PARD3B: variants seen among roughly 807,000 people sequenced by gnomAD.
The protein encoded by PARD3B is par-3 family cell polarity regulator beta.
Under a neutral mutation model 130.2 loss-of-function variants are expected in PARD3B, and 103 were observed. The observed-to-expected ratio is 0.79, with a 90% CI of 0.67 to 0.93. The LOEUF (loss-of-function observed/expected upper bound fraction) is 0.93. Among genes scored for constraint, PARD3B ranks in the 40% least tolerant of loss-of-function variants. The pLI is 0.00. For missense variants in PARD3B, 1,609 were observed against 1,499.2 expected (o/e 1.07, Z -1.21); for synonymous variants, 583 against 553.2 (o/e 1.05, Z -0.76).
intron 21 of PARD3B, among the ~76,000 whole-genome samples, chr2:205,551,742 G>C (rs2052655176): frequency 6.6e-6 from 1 of 152,168 alleles, no homozygotes; most frequent in Non-Finnish European, 1.5e-5. Flanking sequence ...TGGAATGGTA[G>C]TTTTATGGAG....
intron 19 of PARD3B, among the ~76,000 whole-genome samples, chr2:205,425,216 A>G (rs1031521173): frequency 6.6e-6 from 1 of 152,168 alleles, no homozygotes; most frequent in African/African-American, 2.4e-5. Flanking sequence ...TCCCCGTCAC[A>G]TCCCCACCTC....
intron 21 of PARD3B, among the ~76,000 whole-genome samples, chr2:205,505,279 T>C (rs200604673): frequency 2.3e-4 from 35 of 151,436 alleles, no homozygotes; most frequent in African/African-American, 5.1e-4. Context: ...TTAGGAGATA[T>C]ACCTAATGTT....
intron 20 of PARD3B, among the ~76,000 whole-genome samples, chr2:205,466,488 G>A (rs149821816): frequency 2.2e-3 from 333 of 152,268 alleles, no homozygotes; most frequent in African/African-American, 7.6e-3. Context: ...GTAATATGCT[G>A]TGTCTCCACA....
chr2:205,028,685 T>G (rs545880713), intron 3 of PARD3B, among the ~76,000 whole-genome samples: 150 of 152,226 alleles, frequency 9.9e-4, no homozygotes, highest in Non-Finnish European at 1.2e-3. Flanking sequence ...GCCAGAGCAA[T>G]TAGGCAAGAA....
chr2:205,422,584 T>C (rs2047007388), intron 19 of PARD3B, among the ~76,000 whole-genome samples: 2 of 152,136 alleles, frequency 1.3e-5, no homozygotes, highest in South Asian at 4.1e-4. Context: ...TCCCCACATC[T>C]AAAACTTAGA....
rs114801020 is a variant in PARD3B at position 205,113,496 on chromosome 2, T to C, written c.599T>C (p.Met200Thr). Residue 200 changes from methionine (M) to threonine (T), a missense_variant, in exon 6 of 23, where the codon ATG becomes ACG. By Grantham distance (81) the Met-to-Thr change is moderately conservative (BLOSUM62 -1). Transcript: ENST00000406610. ...CTTGTTTTTTTCTGCCCCAGTGATA[T>C]GACAAGAACAGTGGAGATTTCTGGG... ...SPRTKDTLSD[M>T]TRTVEISGEG... 5 of 1,611,632 alleles carry C rather than the reference T, an allele frequency of 3.1e-6. No individual in the cohort carries two copies. The highest frequency in any genetic ancestry group is 4.5e-5 in the East Asian group (2 of 44,790).
intron 18 of PARD3B, among the ~76,000 whole-genome samples, chr2:205,399,076 C>A (rs2046143809): frequency 6.6e-6 from 1 of 152,016 alleles, no homozygotes; most frequent in Non-Finnish European, 1.5e-5. Context: ...CAAGACCAGC[C>A]TGGCCAACAT....
chr2:205,436,583 A>G (rs1323335640), intron 19 of PARD3B, among the ~76,000 whole-genome samples: 1 of 151,598 alleles, frequency 6.6e-6, no homozygotes, highest in East Asian at 1.9e-4. Context: ...GTTTTTTTTA[A>G]TTTTCTTTAA....
At chr2:204,672,126 A>T (rs756721850) in intron 1 of PARD3B, among the ~76,000 whole-genome samples, 2 of 152,204 alleles carry the variant, frequency 1.3e-5, no homozygotes, top group Non-Finnish European at 2.9e-5. Context: ...AGGCAATACT[A>T]CATTGTTTTT....
chr2:205,493,302 C>T (rs755199432), intron 20 of PARD3B, among the ~76,000 whole-genome samples: 18 of 152,070 alleles, frequency 1.2e-4, no homozygotes, highest in Non-Finnish European at 1.8e-4. Flanking sequence ...TAGCTTCTTA[C>T]ATGCCAAAAG....
chr2:205,095,841 T>TA (rs1264954276), intron 4 of PARD3B, among the ~76,000 whole-genome samples: 1 of 152,118 alleles, frequency 6.6e-6, no homozygotes, highest in African/African-American at 2.4e-5. Context: ...ACTGGTCTTT[T>TA]AAAATCTCAA....
chr2:205,364,817 C>G (rs13028215), intron 18 of PARD3B, among the ~76,000 whole-genome samples: 90,354 of 151,990 alleles, frequency 0.59, 30,372 homozygotes, highest in South Asian at 0.77. Context: ...ACAATACCTA[C>G]TCACATGTAA....
Position 205,105,585 on chromosome 2 carries a change from G to A in PARD3B, c.593+1071G>A, listed in dbSNP as rs976870713. 6.6e-6 allele frequency among the ~76,000 whole-genome samples: 1 copy of A among 152,018 alleles called. No homozygotes were observed. The highest frequency in any genetic ancestry group is 1.5e-5 in the Non-Finnish European group (1 of 68,010). ...TCTCCTCAAACTTATTTATAGCCAC[G>A]TGAGCATAGTTACTCTTTATTTAGA... On this transcript the variant is annotated intron_variant, in intron 5 of 22. Transcript: ENST00000406610. This position sits in a 1 kb window ranked among gnomAD's most constrained non-coding sequence, Gnocchi z 4.0.
intron 2 of PARD3B, among the ~76,000 whole-genome samples, chr2:204,865,051 A>C (rs1057165719): frequency 2.6e-5 from 4 of 152,208 alleles, no homozygotes; most frequent in Admixed American, 2.6e-4. Flanking sequence ...TTATCAGGGA[A>C]ATGCAAATCA....
At chr2:205,531,106 C>G (rs1053468328) in intron 21 of PARD3B, among the ~76,000 whole-genome samples, 6 of 152,208 alleles carry the variant, frequency 3.9e-5, no homozygotes, top group Non-Finnish European at 7.3e-5. Flanking sequence ...TGTAAATTCA[C>G]TTGCTTTTTC....
intron 16 of PARD3B, among the ~76,000 whole-genome samples, chr2:205,270,053 C>T (rs970425836): frequency 7.9e-5 from 12 of 152,204 alleles, no homozygotes; most frequent in Non-Finnish European, 1.3e-4. Flanking sequence ...GACCCCCATT[C>T]GCCATCATGT....
At chr2:204,997,938 T>C (rs947648394) in intron 3 of PARD3B, among the ~76,000 whole-genome samples, 1 of 145,386 alleles carries the variant, frequency 6.9e-6, no homozygotes, top group African/African-American at 2.5e-5. Context: ...ATATTTTTAT[T>C]TGTTATATAT....
In PARD3B at chr2:204,882,998, T is replaced by A. The variant is rs115911790; in HGVS notation, c.223-82154T>A. Reference sequence around the variant, plus strand: ...AAAGAATGAGCTTCCCGTGCTCCTGTAAAGACACCTTGTAGTCTATGTCTA... The same window carrying A: ...AAAGAATGAGCTTCCCGTGCTCCTGAAAAGACACCTTGTAGTCTATGTCTA... On this transcript the variant is annotated intron_variant, in intron 2 of 22. Coordinates refer to ENST00000406610, the MANE Select transcript of PARD3B (RefSeq NM_001302769.2). 7.4e-3 allele frequency among the ~76,000 whole-genome samples: 1,132 copies of A among 152,308 alleles called. 13 individuals carry two copies. Among genetic ancestry groups the A allele is most frequent in the African/African-American group, 0.024 (992 of 41,556 alleles).
intron 4 of PARD3B, among the ~76,000 whole-genome samples, chr2:205,066,505 C>G (rs967684065): frequency 6.6e-6 from 1 of 152,176 alleles, no homozygotes; most frequent in Non-Finnish European, 1.5e-5. Flanking sequence ...TGTAGTCTGA[C>G]AACTGGGAGA....
Sources: allele counts gnomAD v4.1 joint callset (sites outside exome capture counted in the v4.1 genomes callset), GRCh38; gene constraint gnomAD v4.1.1; non-coding constraint Gnocchi (gnomAD v3.1); transcripts MANE v1.5; gene names NCBI Gene and HGNC (gene_info 2026-07-23, HGNC 2026-07-21).